Variants in VIPR2 observed in about 807,000 individuals in gnomAD.
VIPR2 encodes vasoactive intestinal polypeptide receptor 2.
Under a neutral mutation model 58.0 loss-of-function variants are expected in VIPR2, and 48 were observed. The ratio of observed to expected loss-of-function variants is 0.83; its 90% CI spans 0.66 to 1.05. The LOEUF (loss-of-function observed/expected upper bound fraction) is 1.05. Among genes scored for constraint, VIPR2 ranks in the 50% least tolerant of loss-of-function variants. The pLI is 0.00. For synonymous variants in VIPR2, 243 were observed against 235.2 expected, an observed-to-expected ratio of 1.03 and a Z score of -0.30; for missense variants, 534 against 558.0, an observed-to-expected ratio of 0.96 and a Z score of 0.43.
intron 4 of VIPR2, chr7:159,059,096 T>C (rs1855487878): frequency 2.7e-6 from 1 of 376,210 alleles, no homozygotes; most frequent in Non-Finnish European, 5.3e-6. Flanking sequence ...CCTTAACATT[T>C]CTTGGTTTAG....
At chr7:159,073,859 A>G (rs79476286) in intron 4 of VIPR2, among the ~76,000 whole-genome samples, 4,062 of 152,246 alleles carry the variant, frequency 0.027, 64 homozygotes, top group Non-Finnish European at 0.041. Context: ...TGTCCATCTA[A>G]GGGAGACGTG....
At position 159,103,804 on chromosome 7, in the gene VIPR2, C is replaced by T. The variant is rs754178749; in HGVS notation, c.310G>A (p.Asp104Asn). The part of the protein sequence containing the change: ...TSDGWSETFP[D>N]FVDACGYSDP... ...CTGTAGCCACAGGCATCGACGAAAT[C>T]TGGGAACGTCTCTGACCATCCGTCA... The change falls in exon 4 of 13, where the codon GAT becomes AAT. Residue 104 changes from aspartate (D) to asparagine (N), a missense_variant. By Grantham distance (23) the Asp-to-Asn change is conservative (BLOSUM62 1). This residue lies in a region of VIPR2 where 224 missense variants were observed against 255.7 expected (regional missense o/e 0.88). Transcript: ENST00000262178. The T allele has an allele frequency of 6.2e-7, 1 of 1,614,206 alleles. No homozygotes were observed. The highest frequency in any genetic ancestry group is 1.7e-5 in the Admixed American group (1 of 60,024).
chr7:159,075,707 T>G (rs1236205582), intron 4 of VIPR2, among the ~76,000 whole-genome samples: 1 of 132,212 alleles, frequency 7.6e-6, no homozygotes, highest in Non-Finnish European at 1.5e-5. Context: ...ACCTACTGCA[T>G]CAATGAGTAG....
chr7:159,126,486 C>G (rs1267828074), intron 2 of VIPR2, among the ~76,000 whole-genome samples: 1 of 152,150 alleles, frequency 6.6e-6, no homozygotes, highest in Non-Finnish European at 1.5e-5. Context: ...GAGGAAAGAG[C>G]CTTCGGAGGG....
At position 159,126,994 on chromosome 7, in the gene VIPR2, C is replaced by T. The variant is rs377202775; in HGVS notation, c.151+15452G>A. Among the ~76,000 whole-genome samples, 32 of 152,284 alleles carry T rather than the reference C, an allele frequency of 2.1e-4. No individual in the cohort carries two copies. In the East Asian group the frequency reaches 4.3e-3, roughly 20 times the overall value. ...GGTGGAGATTGGCTCCTAACATCCC[C>T]CTGGCTGGCAAGAGTCCCCTCCTGG... On this transcript the variant is annotated intron_variant, in intron 2 of 12. Transcript: ENST00000262178.
chr7:159,066,650 T>C (rs1462346627), intron 4 of VIPR2, among the ~76,000 whole-genome samples: 2 of 152,234 alleles, frequency 1.3e-5, no homozygotes, highest in African/African-American at 2.4e-5. Context: ...TTTGTCTGAA[T>C]TGCTTCCACT....
intron 4 of VIPR2, chr7:159,059,137 C>T: frequency 4.7e-6 from 2 of 426,704 alleles, no homozygotes; most frequent in Non-Finnish European, 9.7e-6. Context: ...TTTTAATCTC[C>T]ACGAAATCAT....
intron 8 of VIPR2, 120 bp downstream of exon 8, chr7:159,035,832 C>T (rs992264374): frequency 6.9e-5 from 100 of 1,451,404 alleles, no homozygotes; most frequent in Admixed American, 2.2e-4. Flanking sequence ...GCGTGGCTGT[C>T]GGTTGGCCGC....
At chr7:159,052,119 TCAA>T (rs1245637910) in intron 5 of VIPR2, among the ~76,000 whole-genome samples, 1 of 152,138 alleles carries the variant, frequency 6.6e-6, no homozygotes, top group Non-Finnish European at 1.5e-5. Flanking sequence ...AAAGCAAGTC[TCAA>T]CAAGCTTCAG....
chr7:159,039,098 C>T (rs879742736), intron 6 of VIPR2, among the ~76,000 whole-genome samples: 13 of 152,166 alleles, frequency 8.5e-5, no homozygotes, highest in South Asian at 2.1e-4. Context: ...TGTGATCCCA[C>T]GTGCAGCTGT....
At chr7:159,050,407 C>T (rs1348421335) in intron 5 of VIPR2, among the ~76,000 whole-genome samples, 1 of 149,206 alleles carries the variant, frequency 6.7e-6, no homozygotes, top group Non-Finnish European at 1.5e-5. Context: ...GATTCAGATG[C>T]TAGTGTTTTA....
At position 159,030,342 on chromosome 7, in the gene VIPR2, CAA is replaced by C. The variant is rs869158676; in HGVS notation, c.*272_*273del. On this transcript the variant is annotated 3_prime_UTR_variant, in exon 13 of 13. Transcript: ENST00000262178. ...TGGGCGACAGAGCGAGACTCCGTCT[CAA>C]AAAAAAAAAAAAAAAAAAAAGTGGA... 66,729 of 196,950 alleles carry C rather than the reference CAA, an allele frequency of 0.34. 4,834 individuals are homozygous for C. Among genetic ancestry groups the C allele is most frequent in the Admixed American group, 0.41 (4,586 of 11,158 alleles). The allele number at this position is 196,950 out of a possible 1,614,324, so 12.2% of individuals were successfully genotyped here.
In VIPR2 at chr7:159,031,445, C is replaced by T; in HGVS notation, c.1143+383G>A. ...GCTTCCTCCCCAGGGACTCACAGGA[C>T]GCTGTGCAGCCCCACCCCCCAACCC... On this transcript the variant is annotated intron_variant, in intron 12 of 12. Transcript: ENST00000262178. The surrounding 1 kb of genome is among the most constrained non-coding windows in gnomAD (Gnocchi z 4.0). 1.0e-5 allele frequency: 10 copies of T among 985,266 alleles called. No homozygotes were observed. The highest frequency in any genetic ancestry group is 1.2e-5 in the Non-Finnish European group (10 of 829,804). The allele number at this position is 985,266 out of a possible 1,614,324, so 61.0% of individuals were successfully genotyped here.
rs143947210 is a variant in VIPR2, at chr7:159,103,798, C to T, written c.316G>A (p.Val106Ile). Reference protein sequence around the residue: ...DGWSETFPDFVDACGYSDPED... With the variant: ...DGWSETFPDFIDACGYSDPED... ...GGGTCGCTGTAGCCACAGGCATCGA[C>T]GAAATCTGGGAACGTCTCTGACCAT... The change falls in exon 4 of 13, where the codon GTC (valine) becomes ATC (isoleucine). Residue 106 changes from valine to isoleucine, a missense_variant. Around this residue, in one of 3 missense-constraint regions of VIPR2, gnomAD observed 224 missense variants for 255.7 expected, o/e 0.88. Transcript: ENST00000262178. 3.5e-5 allele frequency: 56 copies of T among 1,614,136 alleles called. No homozygotes were observed. Among genetic ancestry groups the T allele is most frequent in the East Asian group, 6.7e-5 (3 of 44,874 alleles).
intron 4 of VIPR2, 35 bp from the exon 5 acceptor site, chr7:159,058,613 G>C: frequency 1.4e-6 from 2 of 1,471,254 alleles, no homozygotes; most frequent in Non-Finnish European, 1.9e-6. Flanking sequence ...TAAGCTGAGG[G>C]TGACCAGCAA....
At position 159,078,425 on chromosome 7, in the gene VIPR2, T is replaced by C. The variant is rs1399619452; in HGVS notation, c.358-19847A>G. Among the ~76,000 whole-genome samples, 3 of 152,230 alleles carry C rather than the reference T, an allele frequency of 2.0e-5. No individual in the cohort carries two copies. In the East Asian group the frequency reaches 5.8e-4, roughly 29 times the overall value. On this transcript the variant is annotated intron_variant, in intron 4 of 12. Transcript: ENST00000262178. Reference sequence around the variant, plus strand: ...ATGTTTATCTTGTCTTAGGTAATCATGACACGGTTCAACACTGTAAGGCAC... The same window carrying C: ...ATGTTTATCTTGTCTTAGGTAATCACGACACGGTTCAACACTGTAAGGCAC...
In VIPR2 at chr7:159,035,969, G is replaced by A. The variant is rs577007711; in HGVS notation, c.792C>T (p.Leu264=). ...VCIGAWTAAR[L]YLEDTGCWDT... ...GGACTCACCCGGTGTCTTCTAAGTA[G>A]AGCCTGGCCGCAGTCCATGCACCGA... Residue 264 remains leucine (L), a synonymous_variant, in exon 8 of 13, where the codon CTC becomes CTT. Transcript: ENST00000262178. The A allele has an allele frequency of 9.3e-6, 15 of 1,613,670 alleles. No individual in the cohort carries two copies. Among genetic ancestry groups the A allele is most frequent in the Non-Finnish European group, 1.3e-5 (15 of 1,179,898 alleles).
intron 2 of VIPR2, among the ~76,000 whole-genome samples, chr7:159,131,364 C>T (rs1328470349): frequency 6.6e-6 from 1 of 152,210 alleles, no homozygotes. Flanking sequence ...ACAAGCTTGT[C>T]TTCCCAGGTG....
In VIPR2 at chr7:159,098,396, C is replaced by T. The variant is rs1857995555; in HGVS notation, c.357+5361G>A. On this transcript the variant is annotated intron_variant, in intron 4 of 12. Transcript: ENST00000262178. This position sits in a 1 kb window ranked among gnomAD's most constrained non-coding sequence, Gnocchi z 5.2. ...TCCTTGATACACTGTGGATGAAACCCTTTACTCAGTGAAGACCTAAGACTC... is the reference window on the plus strand; with the variant it reads ...TCCTTGATACACTGTGGATGAAACCTTTTACTCAGTGAAGACCTAAGACTC... 1.3e-5 allele frequency among the ~76,000 whole-genome samples: 2 copies of T among 152,138 alleles called. No homozygotes were observed. Among genetic ancestry groups the T allele is most frequent in the African/African-American group, 4.8e-5 (2 of 41,436 alleles).
Sources: gnomAD v4.1 joint callset for allele counts (sites outside exome capture counted in the v4.1 genomes callset) on GRCh38, gnomAD v4.1.1 for gene constraint, gnomAD v4.1.1 regional missense constraint, Gnocchi (gnomAD v3.1) non-coding constraint, MANE v1.5 for transcripts, NCBI Gene and HGNC (gene_info 2026-07-23, HGNC 2026-07-21) for gene names.